THRB: variants seen among roughly 807,000 people sequenced by gnomAD.
THRB encodes nuclear receptor subfamily 1 group A member 2.
In THRB, 12 loss-of-function variants were observed where a neutral mutation model predicts 47.8. That is an observed-to-expected ratio of 0.25 (90% confidence interval 0.16 to 0.41). The LOEUF (loss-of-function observed/expected upper bound fraction) is 0.41, where lower values mean the gene tolerates loss of function less well. Ranked by LOEUF, THRB falls within the 10% of genes least tolerant of loss-of-function variation. THRB has a pLI of 1.00. For synonymous variants in THRB, 218 were observed against 212.2 expected (o/e 1.03, Z -0.24); for missense variants, 348 against 589.2 (o/e 0.59, Z 4.24).
At position 24,394,322 on chromosome 3, in the gene THRB, A is replaced by C. The variant is rs962973201; in HGVS notation, c.-260-56951T>G. Among the ~76,000 whole-genome samples, 31 of 152,122 alleles carry C rather than the reference A, an allele frequency of 2.0e-4. 1 individual carries two copies. The highest frequency in any genetic ancestry group is 1.3e-4 in the Non-Finnish European group (9 of 68,010). Reference sequence around the variant, plus strand: ...AGAGAAGTACAGAGGCCATTTGTGAAAGACAAATCTACCTGAGTGAGAGCC... The same window carrying C: ...AGAGAAGTACAGAGGCCATTTGTGACAGACAAATCTACCTGAGTGAGAGCC... On this transcript the variant is annotated intron_variant, in intron 1 of 10. Transcript: ENST00000646209.
rs546956311 is a variant in THRB, at chr3:24,194,089, A to C, written c.23-3755T>G. ...AGCTGGGCTATGAGGATGCAAAGGC[A>C]TAAGAATGATACATTGGACTTTGGG... is the stretch of plus-strand genomic sequence containing the variant. On this transcript the variant is annotated intron_variant, in intron 4 of 10. Coordinates refer to ENST00000646209, the MANE Select transcript of THRB (RefSeq NM_001354712.2). Among the ~76,000 whole-genome samples, 23 of 152,346 alleles carry C rather than the reference A, an allele frequency of 1.5e-4. No homozygotes were observed. The South Asian group carries it at 1.7e-3, about 11-fold the overall frequency.
At chr3:24,386,131 C>T (rs578139977) in intron 1 of THRB, among the ~76,000 whole-genome samples, 14 of 152,242 alleles carry the variant, frequency 9.2e-5, no homozygotes, top group Admixed American at 6.5e-4. Context: ...CTAGACAGAG[C>T]CTCCTGAGGC....
intron 4 of THRB, among the ~76,000 whole-genome samples, chr3:24,212,577 C>CAAAA (rs1199010853): frequency 1.1e-3 from 92 of 83,314 alleles, no homozygotes; most frequent in South Asian, 1.7e-3. Context: ...GACTCCGTCT[C>CAAAA]AAAAAAAAAA....
chr3:24,467,824 G>A (rs2074271541), intron 1 of THRB, among the ~76,000 whole-genome samples: 1 of 152,178 alleles, frequency 6.6e-6, no homozygotes, highest in Admixed American at 6.5e-5. Context: ...TGGCAAATGA[G>A]CATTGACTTC....
At chr3:24,284,874 A>T (rs1208196519) in intron 3 of THRB, among the ~76,000 whole-genome samples, 2 of 152,210 alleles carry the variant, frequency 1.3e-5, no homozygotes, top group Non-Finnish European at 2.9e-5. Context: ...AATTAAAACC[A>T]CAAAGAGATA....
intron 1 of THRB, among the ~76,000 whole-genome samples, chr3:24,472,774 T>C (rs1245056127): frequency 1.3e-5 from 2 of 152,100 alleles, no homozygotes; most frequent in Non-Finnish European, 2.9e-5. Flanking sequence ...CACAGACAGG[T>C]TTCAAGGGAG....
intron 1 of THRB, among the ~76,000 whole-genome samples, chr3:24,386,914 T>G (rs1284848875): frequency 6.6e-6 from 1 of 152,156 alleles, no homozygotes; most frequent in East Asian, 1.9e-4. Flanking sequence ...CAGAAAGCAC[T>G]TAACACAGCC....
chr3:24,437,676 G>GA (rs1291302633), intron 1 of THRB, among the ~76,000 whole-genome samples: 2 of 151,822 alleles, frequency 1.3e-5, no homozygotes, highest in Non-Finnish European at 2.9e-5. Flanking sequence ...AAGTTTGCTG[G>GA]AAAAAAAGGT....
intron 1 of THRB, among the ~76,000 whole-genome samples, chr3:24,482,539 C>G (rs1696625797): frequency 2.9e-5 from 2 of 68,776 alleles, no homozygotes; most frequent in South Asian, 7.9e-4. Flanking sequence ...TTCTGTCTCC[C>G]TCTCTCTCTC....
chr3:24,290,981 C>G (rs1194136205), intron 3 of THRB, among the ~76,000 whole-genome samples: 1 of 152,118 alleles, frequency 6.6e-6, no homozygotes, highest in African/African-American at 2.4e-5. Flanking sequence ...ATCAACAGAG[C>G]CCAGGCTTTG....
intron 1 of THRB, among the ~76,000 whole-genome samples, chr3:24,381,337 C>A (rs2065695524): frequency 6.6e-6 from 1 of 152,132 alleles, no homozygotes; most frequent in Non-Finnish European, 1.5e-5. Context: ...GAGAAAAGCA[C>A]TTCTAGGAGA....
chr3:24,485,268 A>G (rs1274803657), intron 1 of THRB, among the ~76,000 whole-genome samples: 1 of 152,250 alleles, frequency 6.6e-6, no homozygotes, highest in African/African-American at 2.4e-5. Flanking sequence ...CATTTTAAAG[A>G]GAATCTATCA....
intron 3 of THRB, among the ~76,000 whole-genome samples, chr3:24,256,356 T>A (rs1700939): frequency 0.68 from 103,240 of 151,848 alleles, 35,403 homozygotes; most frequent in Middle Eastern, 0.74. Flanking sequence ...GAAATGGTGC[T>A]CATTTATTCT....
chr3:24,483,511 AAC>A (rs1553777422), intron 1 of THRB, among the ~76,000 whole-genome samples: 3 of 152,064 alleles, frequency 2.0e-5, no homozygotes, highest in Admixed American at 6.6e-5. Flanking sequence ...AAAAAAAAAA[AAC>A]ATGTTAATAA....
In THRB at chr3:24,380,580, C is replaced by T. The variant is rs941118566; in HGVS notation, c.-260-43209G>A. Among the ~76,000 whole-genome samples the T allele has an allele frequency of 2.0e-5, 3 of 152,184 alleles. No homozygotes were observed. The South Asian group carries it at 6.2e-4, about 32-fold the overall frequency. ...TACTGCCCTATGAACACATATTCTACTATTTTAGTGCTCAGAATATATCAT... is the reference window on the plus strand; with the variant it reads ...TACTGCCCTATGAACACATATTCTATTATTTTAGTGCTCAGAATATATCAT... On this transcript the variant is annotated intron_variant, in intron 1 of 10. Transcript: ENST00000646209.
At chr3:24,208,519 G>T (rs974284770) in intron 4 of THRB, among the ~76,000 whole-genome samples, 1 of 152,142 alleles carries the variant, frequency 6.6e-6, no homozygotes, top group Admixed American at 6.5e-5. Context: ...CAATGGAACA[G>T]AACAGAGCCC....
chr3:24,468,032 C>T (rs2074287509), intron 1 of THRB, among the ~76,000 whole-genome samples: 1 of 152,202 alleles, frequency 6.6e-6, no homozygotes, highest in African/African-American at 2.4e-5. Flanking sequence ...GCTACATCTT[C>T]TGGATAATTT....
chr3:24,232,972 C>T (rs1054811567), intron 3 of THRB, among the ~76,000 whole-genome samples: 7 of 152,118 alleles, frequency 4.6e-5, no homozygotes, highest in Non-Finnish European at 1.0e-4. Flanking sequence ...AAATAAAAGT[C>T]ACAGATGCCA....
chr3:24,398,408 G>A (rs898101919), intron 1 of THRB, among the ~76,000 whole-genome samples: 19 of 152,278 alleles, frequency 1.2e-4, no homozygotes, highest in Non-Finnish European at 2.8e-4. Context: ...CCATCAACAA[G>A]TGGGCGAAGG....
Sources: allele counts gnomAD v4.1 joint callset (sites outside exome capture counted in the v4.1 genomes callset), GRCh38; gene constraint gnomAD v4.1.1; transcripts MANE v1.5; gene names NCBI Gene and HGNC (gene_info 2026-07-23, HGNC 2026-07-21).